Variants in GALNTL5 observed in about 807,000 individuals in gnomAD.
The protein encoded by GALNTL5 is polypeptide N-acetylgalactosaminyltransferase like 5.
GALNTL5 carries 44 observed loss-of-function variants against 51.0 expected under a neutral mutation model. The observed-to-expected ratio is 0.86, with a 90% CI of 0.68 to 1.11. The LOEUF (loss-of-function observed/expected upper bound fraction) is 1.11. Ranked by LOEUF, GALNTL5 falls within the 50% of genes least tolerant of loss-of-function variation. The pLI is 0.00. For missense variants in GALNTL5, 528 were observed against 531.8 expected (o/e 0.99, Z 0.07); for synonymous variants, 192 against 182.8 (o/e 1.05, Z -0.41).
intron 4 of GALNTL5, among the ~76,000 whole-genome samples, chr7:151,986,908 TAG>T (rs1703442592): frequency 6.9e-6 from 1 of 145,788 alleles, no homozygotes; most frequent in Admixed American, 6.9e-5. Context: ...GTATTTTTAG[TAG>T]AGAGGGGGTT....
At chr7:151,981,045 A>G (rs879485016) in intron 3 of GALNTL5, among the ~76,000 whole-genome samples, 4 of 152,248 alleles carry the variant, frequency 2.6e-5, no homozygotes, top group African/African-American at 9.6e-5. Context: ...GCGCCCGGCC[A>G]CAATGATTTT....
At chr7:151,998,723 G>A (rs778479070) in intron 5 of GALNTL5, among the ~76,000 whole-genome samples, 26 of 143,376 alleles carry the variant, frequency 1.8e-4, no homozygotes, top group Non-Finnish European at 3.1e-4. Flanking sequence ...AGTGAGCTGA[G>A]ATCATGCTAC....
intron 5 of GALNTL5, chr7:151,994,922 A>G (rs1563017406): frequency 6.6e-6 from 1 of 151,806 alleles, no homozygotes; most frequent in Non-Finnish European, 1.5e-5. Context: ...ACGCCCGGCT[A>G]ATTTTTTGTA....
intron 5 of GALNTL5, among the ~76,000 whole-genome samples, chr7:151,990,696 G>A (rs903890046): frequency 1.3e-5 from 2 of 151,796 alleles, no homozygotes; most frequent in African/African-American, 4.8e-5. Context: ...GTGAGTGCAA[G>A]TAACATGTAC....
chr7:152,011,268 G>C (rs1243984997), intron 7 of GALNTL5, among the ~76,000 whole-genome samples: 1 of 152,208 alleles, frequency 6.6e-6, no homozygotes, highest in African/African-American at 2.4e-5. Context: ...CAGTTGCCCT[G>C]AACTCAGTGC....
intron 1 of GALNTL5, among the ~76,000 whole-genome samples, chr7:151,961,020 C>T (rs527630349): frequency 6.6e-6 from 1 of 152,278 alleles, no homozygotes; most frequent in South Asian, 2.1e-4. Context: ...TGGGACATGC[C>T]TAAGGTCAAA....
chr7:152,006,572 C>T (rs759103525), intron 6 of GALNTL5, among the ~76,000 whole-genome samples: 21 of 152,080 alleles, frequency 1.4e-4, no homozygotes, highest in Non-Finnish European at 2.1e-4. Context: ...GGAATTCAAC[C>T]GCATCTTACT....
In GALNTL5 at chr7:152,002,889, G is replaced by C; in HGVS notation, c.834G>C (p.Trp278Cys). 1 of 1,613,908 alleles carries C rather than the reference G, an allele frequency of 6.2e-7. No homozygotes were observed. The highest frequency in any genetic ancestry group is 8.5e-7 in the Non-Finnish European group (1 of 1,179,810). Residue 278 changes from tryptophan (W) to cysteine (C), a missense_variant, in exon 6 of 9, where the codon TGG (tryptophan) becomes TGC (cysteine). Transcript: ENST00000392800. ...CTCTTGTAAGGGGAACTTTTGATTGGAACCTACAATTTAAATGGGATAATG... is the reference window on the plus strand; with the variant it reads ...CTCTTGTAAGGGGAACTTTTGATTGCAACCTACAATTTAAATGGGATAATG... Reference protein sequence around the residue: ...PSPLVRGTFDWNLQFKWDNVF... With the variant: ...PSPLVRGTFDCNLQFKWDNVF...
At chr7:151,958,375 G>A (rs1226773733) in intron 1 of GALNTL5, among the ~76,000 whole-genome samples, 1 of 152,230 alleles carries the variant, frequency 6.6e-6, no homozygotes, top group Non-Finnish European at 1.5e-5. Flanking sequence ...ACATGGTGGT[G>A]CCTGAAAACT....
rs575658831 is a variant in GALNTL5 at position 151,990,580 on chromosome 7, C to CAAAAAAAA, written c.658+3304_658+3311dup. ...TGGGCGACAGAGCGAGACTCCATCT[C>CAAAAAAAA]AAAAAAAAAAAAGCCCACTTTCTCT... On this transcript the variant is annotated intron_variant, in intron 5 of 8. Coordinates refer to ENST00000392800, the MANE Select transcript of GALNTL5 (RefSeq NM_145292.4). Among the ~76,000 whole-genome samples, 4 of 21,670 alleles carry CAAAAAAAA rather than the reference C, an allele frequency of 1.8e-4. 1 individual carries two copies. The highest frequency in any genetic ancestry group is 6.7e-4 in the African/African-American group (4 of 5,986). 14.2% of individuals were successfully genotyped at this position (21,670 alleles called of 152,430 possible).
rs921824413 is a variant in GALNTL5 at position 151,973,489 on chromosome 7, T to C, written c.368+2424T>C. ...ACAAAAAAAAAAAAAGAAGATTTAATGTCTGCCCCGCTGGGTTTCAGACTT... is the reference window on the plus strand; with the variant it reads ...ACAAAAAAAAAAAAAGAAGATTTAACGTCTGCCCCGCTGGGTTTCAGACTT... On this transcript the variant is annotated intron_variant, in intron 3 of 8. Transcript: ENST00000392800. 5.3e-5 allele frequency among the ~76,000 whole-genome samples: 8 copies of C among 152,110 alleles called. 1 individual carries two copies. The highest frequency in any genetic ancestry group is 7.4e-5 in the Non-Finnish European group (5 of 67,974).
chr7:151,966,346 C>T (rs1227818996), intron 1 of GALNTL5, among the ~76,000 whole-genome samples: 1 of 151,896 alleles, frequency 6.6e-6, no homozygotes, highest in Non-Finnish European at 1.5e-5. Context: ...TGGCTCACTG[C>T]AACCTCCGCT....
chr7:151,983,873 A>C (rs539311101), intron 4 of GALNTL5, among the ~76,000 whole-genome samples: 7 of 152,306 alleles, frequency 4.6e-5, no homozygotes, highest in African/African-American at 1.7e-4. Flanking sequence ...TAGTCTATGC[A>C]TGAGTATAGA....
chr7:152,016,749 A>G (rs570132662), intron 8 of GALNTL5, among the ~76,000 whole-genome samples: 1 of 152,188 alleles, frequency 6.6e-6, no homozygotes, highest in South Asian at 2.1e-4. Context: ...ATGAAAATTA[A>G]CTGGGCTGGG....
chr7:151,973,413 C>T (rs2081171158), intron 3 of GALNTL5, among the ~76,000 whole-genome samples: 1 of 151,864 alleles, frequency 6.6e-6, no homozygotes, highest in Non-Finnish European at 1.5e-5. Flanking sequence ...TGCAGTAAGC[C>T]AAGTTCACAC....
chr7:151,991,882 A>G (rs2081432602), intron 5 of GALNTL5, among the ~76,000 whole-genome samples: 1 of 152,192 alleles, frequency 6.6e-6, no homozygotes, highest in South Asian at 2.1e-4. Context: ...GAAAGAATTT[A>G]CATATTTTTG....
chr7:152,006,274 C>T (rs556925050), intron 6 of GALNTL5, among the ~76,000 whole-genome samples: 6 of 152,066 alleles, frequency 3.9e-5, no homozygotes, highest in Non-Finnish European at 4.4e-5. Context: ...TTGTGAATGG[C>T]GGGAGGCGAA....
chr7:152,008,709 C>T (rs1174576201), intron 7 of GALNTL5, among the ~76,000 whole-genome samples: 1 of 150,922 alleles, frequency 6.6e-6, no homozygotes, highest in African/African-American at 2.4e-5. Flanking sequence ...GATGGTCCCT[C>T]TTAAGCTTGT....
At chr7:151,979,187 G>GC (rs995885899) in intron 3 of GALNTL5, among the ~76,000 whole-genome samples, 20 of 139,412 alleles carry the variant, frequency 1.4e-4, no homozygotes, top group Admixed American at 7.0e-4. Flanking sequence ...TCGGCTCACT[G>GC]CAAGCTCCAC....
Sources: allele counts gnomAD v4.1 joint callset (sites outside exome capture counted in the v4.1 genomes callset), GRCh38; gene constraint gnomAD v4.1.1; transcripts MANE v1.5; gene names NCBI Gene and HGNC (gene_info 2026-07-23, HGNC 2026-07-21).